The following GPR158 variants were observed in gnomAD, a reference collection of about 807,000 sequenced individuals.
GPR158 encodes metabotropic glycine receptor.
Under a neutral mutation model 78.2 loss-of-function variants are expected in GPR158, and 30 were observed. The ratio of observed to expected loss-of-function variants is 0.38; its 90% CI spans 0.29 to 0.52. The LOEUF is 0.52. Ranked by LOEUF, GPR158 falls within the 20% of genes least tolerant of loss-of-function variation. The pLI is 0.83. For synonymous variants in GPR158, 581 were observed against 591.1 expected (o/e 0.98, Z 0.25); for missense variants, 1,463 against 1,523.5 (o/e 0.96, Z 0.66).
intron 5 of GPR158, among the ~76,000 whole-genome samples, chr10:25,487,456 C>T (rs567071668): frequency 1.3e-5 from 2 of 152,154 alleles, no homozygotes; most frequent in Non-Finnish European, 2.9e-5. Context: ...CGATGCCAGC[C>T]ATCTGTTGCA....
chr10:25,226,492 T>C (rs1247106065), intron 2 of GPR158, among the ~76,000 whole-genome samples: 2 of 152,240 alleles, frequency 1.3e-5, no homozygotes, highest in African/African-American at 2.4e-5. Context: ...TTATGATTTG[T>C]ATTAGTGCAA....
intron 6 of GPR158, among the ~76,000 whole-genome samples, chr10:25,569,090 G>A (rs1398629235): frequency 6.6e-6 from 1 of 152,136 alleles, no homozygotes; most frequent in East Asian, 1.9e-4. Context: ...GTGTAGAGTT[G>A]TGTTTATTAT....
intron 4 of GPR158, 51 bp from the exon 5 acceptor site, chr10:25,466,600 C>T (rs1180455461): frequency 1.7e-6 from 2 of 1,184,308 alleles, no homozygotes; most frequent in Non-Finnish European, 2.5e-6. Flanking sequence ...CGTGAATTCT[C>T]CAGGCTTAGA....
At chr10:25,506,529 C>A (rs1376310892) in intron 5 of GPR158, among the ~76,000 whole-genome samples, 1 of 152,198 alleles carries the variant, frequency 6.6e-6, no homozygotes, top group Non-Finnish European at 1.5e-5. Flanking sequence ...GCACTGTTAA[C>A]CACAAACCCC....
At chr10:25,535,369 G>A (rs997704023) in intron 5 of GPR158, among the ~76,000 whole-genome samples, 15 of 53,798 alleles carry the variant, frequency 2.8e-4, no homozygotes, top group East Asian at 1.0e-3. Context: ...TGAAGCATGC[G>A]CCATATTGGA....
intron 2 of GPR158, among the ~76,000 whole-genome samples, chr10:25,376,549 T>C (rs1443541236): frequency 6.6e-6 from 1 of 151,710 alleles, no homozygotes; most frequent in East Asian, 1.9e-4. Flanking sequence ...ACCATACATA[T>C]TGATTTAGAT....
intron 5 of GPR158, among the ~76,000 whole-genome samples, chr10:25,540,791 G>A (rs1412508999): frequency 1.8e-4 from 27 of 151,552 alleles, no homozygotes; most frequent in Non-Finnish European, 3.4e-4. Context: ...GGGGCCTGTC[G>A]TGGGGTGGGG....
At chr10:25,349,316 C>G (rs1221152038) in intron 2 of GPR158, among the ~76,000 whole-genome samples, 1 of 151,824 alleles carries the variant, frequency 6.6e-6, no homozygotes, top group Non-Finnish European at 1.5e-5. Flanking sequence ...CACATTGGGC[C>G]CAGGTAGACA....
At chr10:25,485,291 C>T (rs1252238931) in intron 5 of GPR158, among the ~76,000 whole-genome samples, 1 of 150,870 alleles carries the variant, frequency 6.6e-6, no homozygotes, top group Non-Finnish European at 1.5e-5. Flanking sequence ...CTTTAAGTGT[C>T]AAGGGCTACA....
At chr10:25,189,744 C>G (rs1466870710) in intron 1 of GPR158, among the ~76,000 whole-genome samples, 2 of 149,452 alleles carry the variant, frequency 1.3e-5, no homozygotes, top group Admixed American at 1.3e-4. Flanking sequence ...ATGTAGCAAA[C>G]CTGCATGTTG....
intron 4 of GPR158, among the ~76,000 whole-genome samples, chr10:25,438,374 T>C (rs948176302): frequency 6.6e-6 from 1 of 152,200 alleles, no homozygotes; most frequent in African/African-American, 2.4e-5. Flanking sequence ...AATATTGGCA[T>C]CGGTAGTTAT....
At position 25,269,414 on chromosome 10, in the gene GPR158, A is replaced by C. The variant is rs545427527; in HGVS notation, c.1008+48257A>C. The stretch of plus-strand genomic sequence containing the variant: ...AAAATGAATTTGAAAAGTGTTTGTT[A>C]ATCCTATGTTAGTTGCCTCTGTGGC... On this transcript the variant is annotated intron_variant, in intron 2 of 10. Transcript: ENST00000376351. Among the ~76,000 whole-genome samples the C allele has an allele frequency of 2.0e-5, 3 of 152,272 alleles. No individual in the cohort carries two copies. The South Asian group carries it at 6.2e-4, about 32-fold the overall frequency.
chr10:25,419,571 C>A (rs140953090), intron 4 of GPR158, among the ~76,000 whole-genome samples: 1 of 152,232 alleles, frequency 6.6e-6, no homozygotes, highest in African/African-American at 2.4e-5. Context: ...ACCACCAAAC[C>A]GTTTTTCACA....
At chr10:25,476,153 G>A (rs1835580638) in intron 5 of GPR158, among the ~76,000 whole-genome samples, 1 of 152,132 alleles carries the variant, frequency 6.6e-6, no homozygotes. Flanking sequence ...AGAGACGCAT[G>A]ATTTGAAGTC....
At chr10:25,497,870 A>G (rs4749038) in intron 5 of GPR158, among the ~76,000 whole-genome samples, 86,862 of 152,100 alleles carry the variant, frequency 0.57, 26,485 homozygotes, top group African/African-American at 0.79. Flanking sequence ...CCTCTTAAAT[A>G]TGTCATCAAG....
intron 2 of GPR158, among the ~76,000 whole-genome samples, chr10:25,246,327 AT>A (rs1441556955): frequency 2.6e-5 from 4 of 152,160 alleles, no homozygotes; most frequent in Non-Finnish European, 5.9e-5. Flanking sequence ...ATATAAAGTG[AT>A]TTCTGCATTT....
At chr10:25,565,966 G>A (rs1836923958) in intron 6 of GPR158, among the ~76,000 whole-genome samples, 2 of 152,170 alleles carry the variant, frequency 1.3e-5, no homozygotes, top group African/African-American at 4.8e-5. Flanking sequence ...CCAGAAATAT[G>A]TGTGGCGGGA....
intron 7 of GPR158, among the ~76,000 whole-genome samples, chr10:25,578,691 T>C (rs146104730): frequency 2.0e-5 from 3 of 152,318 alleles, no homozygotes; most frequent in Admixed American, 2.0e-4. Flanking sequence ...ATTATTTCAC[T>C]ATTGTCCTAG....
chr10:25,443,708 CTCT>C (rs1447433606), intron 4 of GPR158, among the ~76,000 whole-genome samples: 1 of 151,376 alleles, frequency 6.6e-6, no homozygotes, highest in Non-Finnish European at 1.5e-5. Context: ...CTCCCAGCCC[CTCT>C]TCTTTTCTTT....
Sources: gnomAD v4.1 joint callset for allele counts (sites outside exome capture counted in the v4.1 genomes callset) on GRCh38, gnomAD v4.1.1 for gene constraint, MANE v1.5 for transcripts, NCBI Gene and HGNC (gene_info 2026-07-23, HGNC 2026-07-21) for gene names.